Variants in HCN1 observed in about 807,000 individuals in gnomAD.
HCN1 encodes hyperpolarization activated cyclic nucleotide gated potassium channel 1.
A neutral mutation model predicts 78.9 loss-of-function variants in HCN1; 13 were observed. The ratio of observed to expected loss-of-function variants is 0.16; its 90% CI spans 0.11 to 0.26. The LOEUF (loss-of-function observed/expected upper bound fraction) is 0.26. Ranked by LOEUF, HCN1 falls within the 10% of genes least tolerant of loss-of-function variation. The pLI is 1.00. For missense variants in HCN1, 810 were observed against 1,154.3 expected, an observed-to-expected ratio of 0.70 and a Z score of 4.32; for synonymous variants, 552 against 455.5, an observed-to-expected ratio of 1.21 and a Z score of -2.70.
chr5:45,375,914 T>C (rs560451826), intron 4 of HCN1, among the ~76,000 whole-genome samples: 335 of 122,196 alleles, frequency 2.7e-3, no homozygotes, highest in Non-Finnish European at 4.2e-3. Context: ...TATTTTATCT[T>C]ATATATTATA....
At chr5:45,598,865 T>C (rs1276610896) in intron 2 of HCN1, among the ~76,000 whole-genome samples, 1 of 152,194 alleles carries the variant, frequency 6.6e-6, no homozygotes, top group Non-Finnish European at 1.5e-5. Flanking sequence ...CACAATGAGA[T>C]ACCATCTCAC....
intron 2 of HCN1, among the ~76,000 whole-genome samples, chr5:45,549,762 A>G (rs1186360569): frequency 6.6e-6 from 1 of 152,204 alleles, no homozygotes; most frequent in Non-Finnish European, 1.5e-5. Context: ...ACAAAGGGCT[A>G]ATATCCAGAA....
chr5:45,595,604 T>C (rs1164047997), intron 2 of HCN1, among the ~76,000 whole-genome samples: 1 of 152,182 alleles, frequency 6.6e-6, no homozygotes, highest in African/African-American at 2.4e-5. Flanking sequence ...CATTCTATAG[T>C]CTAAAGATAT....
chr5:45,396,136 T>G (rs2112040032), intron 4 of HCN1, among the ~76,000 whole-genome samples: 1 of 152,240 alleles, frequency 6.6e-6, no homozygotes, highest in Admixed American at 6.5e-5. Context: ...TCAGCTAACA[T>G]TTTTCTAACA....
At chr5:45,537,562 A>T (rs142148561) in intron 2 of HCN1, among the ~76,000 whole-genome samples, 37 of 55,110 alleles carry the variant, frequency 6.7e-4, no homozygotes, top group African/African-American at 2.2e-3. Flanking sequence ...TTTTTGAGAC[A>T]GAGTTTCGCT....
At chr5:45,543,615 T>C (rs950978313) in intron 2 of HCN1, among the ~76,000 whole-genome samples, 4 of 152,108 alleles carry the variant, frequency 2.6e-5, no homozygotes, top group Non-Finnish European at 5.9e-5. Context: ...CCTCCAGATG[T>C]ATGGCAATCA....
intron 4 of HCN1, among the ~76,000 whole-genome samples, chr5:45,372,032 TTATA>T (rs1241404073): frequency 9.1e-5 from 6 of 66,178 alleles, no homozygotes; most frequent in Non-Finnish European, 1.2e-4. Context: ...TATAATATAA[TTATA>T]TATATATTAT....
chr5:45,620,648 C>A (rs1369578920), intron 2 of HCN1, among the ~76,000 whole-genome samples: 1 of 151,752 alleles, frequency 6.6e-6, no homozygotes, highest in Non-Finnish European at 1.5e-5. Context: ...AGGATAGGAA[C>A]ATAAATACAA....
At chr5:45,657,115 C>A (rs923665912) in intron 1 of HCN1, among the ~76,000 whole-genome samples, 1 of 151,954 alleles carries the variant, frequency 6.6e-6, no homozygotes, top group African/African-American at 2.4e-5. Context: ...TGTGGGCAGA[C>A]CAACATTTGC....
At chr5:45,489,927 T>G (rs1041073178) in intron 2 of HCN1, among the ~76,000 whole-genome samples, 8 of 152,198 alleles carry the variant, frequency 5.3e-5, no homozygotes, top group African/African-American at 1.9e-4. Flanking sequence ...ATATAGTTCA[T>G]TCAATTAGCG....
rs532486335 is a variant in HCN1 at position 45,654,332 on chromosome 5, A to G, written c.426-8724T>C. On this transcript the variant is annotated intron_variant, in intron 1 of 7. Coordinates refer to ENST00000303230, the MANE Select transcript of HCN1 (RefSeq NM_021072.4). ...ATTTAAAAAATCCTTAATTTAAATT[A>G]TTTAGAAATAATGTATAAAATAGCT... Among the ~76,000 whole-genome samples the G allele has an allele frequency of 1.4e-3, 210 of 152,308 alleles. 1 individual carries two copies. The highest frequency in any genetic ancestry group is 2.4e-3 in the Non-Finnish European group (166 of 68,014).
At chr5:45,656,428 G>T (rs561574701) in intron 1 of HCN1, among the ~76,000 whole-genome samples, 3 of 152,246 alleles carry the variant, frequency 2.0e-5, no homozygotes, top group African/African-American at 7.2e-5. Context: ...AAAGGAGAGT[G>T]ATCAAGTCTT....
intron 3 of HCN1, among the ~76,000 whole-genome samples, chr5:45,400,460 G>A (rs1183022662): frequency 7.0e-6 from 1 of 142,302 alleles, no homozygotes; most frequent in Admixed American, 7.4e-5. Context: ...GTGCAATGGT[G>A]CAATCTCAAC....
chr5:45,695,314 C>T (rs1156853118), intron 1 of HCN1, among the ~76,000 whole-genome samples: 1 of 152,072 alleles, frequency 6.6e-6, no homozygotes, highest in Non-Finnish European at 1.5e-5. Flanking sequence ...GGGTGGCTTC[C>T]CGCTTCCTCA....
intron 2 of HCN1, among the ~76,000 whole-genome samples, chr5:45,534,518 C>T (rs374897394): frequency 6.8e-6 from 1 of 146,584 alleles, no homozygotes. Flanking sequence ...TCCTAAAGGG[C>T]TCCTGAAGTG....
At chr5:45,297,447 G>C (rs1036223437) in intron 6 of HCN1, among the ~76,000 whole-genome samples, 2 of 152,176 alleles carry the variant, frequency 1.3e-5, no homozygotes, top group South Asian at 2.1e-4. Flanking sequence ...ATTTTGGGGG[G>C]CTTGCTCCCA....
intron 2 of HCN1, among the ~76,000 whole-genome samples, chr5:45,618,834 A>T (rs1305647907): frequency 2.6e-5 from 4 of 150,948 alleles, no homozygotes; most frequent in East Asian, 3.9e-4. Flanking sequence ...AAAATAAAAT[A>T]AAAAAAAAGG....
At chr5:45,507,766 C>A (rs554152836) in intron 2 of HCN1, among the ~76,000 whole-genome samples, 1 of 152,152 alleles carries the variant, frequency 6.6e-6, no homozygotes, top group South Asian at 2.1e-4. Flanking sequence ...TATAAACAAA[C>A]ATGTTAGATC....
chr5:45,314,067 C>T (rs1194157901), intron 5 of HCN1, among the ~76,000 whole-genome samples: 3 of 152,100 alleles, frequency 2.0e-5, no homozygotes, highest in Non-Finnish European at 4.4e-5. Context: ...TTGTCAGATT[C>T]ACCAAAGTTG....
Sources: gnomAD v4.1 joint callset for allele counts (sites outside exome capture counted in the v4.1 genomes callset) on GRCh38, gnomAD v4.1.1 for gene constraint, MANE v1.5 for transcripts, NCBI Gene and HGNC (gene_info 2026-07-23, HGNC 2026-07-21) for gene names.